Variants in SORCS2 observed in about 807,000 individuals in gnomAD.
SORCS2 encodes sortilin related VPS10 domain containing receptor 2, also known as VPS10 domain-containing receptor SorCS2.
In SORCS2, 100 loss-of-function variants were observed where a neutral mutation model predicts 141.6. That is an observed-to-expected ratio of 0.71 (90% CI 0.60 to 0.83). SORCS2 has a LOEUF of 0.83. SORCS2 is among the 40% of genes least tolerant of loss of function. The pLI is 0.00. For missense variants in SORCS2, 1,646 were observed against 1,560.2 expected (o/e 1.05, Z -0.93); for synonymous variants, 789 against 676.9 (o/e 1.17, Z -2.57).
intron 4 of SORCS2, 96 bp downstream of exon 4, chr4:7,638,588 A>G: frequency 7.5e-7 from 1 of 1,338,214 alleles, no homozygotes; most frequent in Non-Finnish European, 1.0e-6. Flanking sequence ...TGGGACCCGG[A>G]ACCCCTGGGC....
At chr4:7,326,519 G>A (rs566066930) in intron 1 of SORCS2, among the ~76,000 whole-genome samples, 2 of 152,150 alleles carry the variant, frequency 1.3e-5, no homozygotes, top group East Asian at 1.9e-4. Context: ...GAACCTTGCC[G>A]AGGTCTGTTT....
intron 25 of SORCS2, among the ~76,000 whole-genome samples, chr4:7,736,830 G>T (rs537071729): frequency 6.6e-6 from 1 of 152,188 alleles, no homozygotes; most frequent in Non-Finnish European, 1.5e-5. Context: ...CACCCAATGT[G>T]TCAGGGCAGA....
chr4:7,640,576 C>T (rs1206649883), intron 4 of SORCS2, among the ~76,000 whole-genome samples: 1 of 150,038 alleles, frequency 6.7e-6, no homozygotes, highest in East Asian at 2.0e-4. Context: ...TCTGTAAGGA[C>T]TCGGGCCTTC....
chr4:7,719,513 G>A (rs1199170320), intron 18 of SORCS2, among the ~76,000 whole-genome samples: 1 of 152,232 alleles, frequency 6.6e-6, no homozygotes, highest in Admixed American at 6.5e-5. Context: ...GACAGAGACT[G>A]AGTCTGGGGC....
In SORCS2 at chr4:7,434,315, G is replaced by C. The variant is rs373856385; in HGVS notation, c.548+37960G>C. 5 of 1,611,272 alleles carry C rather than the reference G, an allele frequency of 3.1e-6. No homozygotes were observed. The Admixed American group carries it at 8.4e-5, about 27-fold the overall frequency. On this transcript the variant is annotated intron_variant, in intron 2 of 26. Coordinates refer to ENST00000507866, the MANE Select transcript of SORCS2 (RefSeq NM_020777.3). ...GCCTCCTGGAGTCGGGAGACCTGCC[G>C]TACACAGTCTTGGCACAGAGCTCCT...
chr4:7,299,680 A>T (rs958031498), intron 1 of SORCS2, among the ~76,000 whole-genome samples: 1 of 152,150 alleles, frequency 6.6e-6, no homozygotes, highest in Non-Finnish European at 1.5e-5. Context: ...CTATTATCTG[A>T]AAACAAGGGA....
At chr4:7,556,744 A>C (rs1009976867) in intron 3 of SORCS2, among the ~76,000 whole-genome samples, 1 of 146,524 alleles carries the variant, frequency 6.8e-6, no homozygotes, top group Non-Finnish European at 1.5e-5. Flanking sequence ...CCATGTGTCC[A>C]CCCATCTACC....
chr4:7,557,094 G>A (rs1368217972), intron 3 of SORCS2, among the ~76,000 whole-genome samples: 1 of 152,154 alleles, frequency 6.6e-6, no homozygotes, highest in Non-Finnish European at 1.5e-5. Flanking sequence ...TCAGTGGGAA[G>A]ACAAGTGTGC....
At chr4:7,655,760 G>A (rs998968704) in intron 5 of SORCS2, among the ~76,000 whole-genome samples, 2 of 152,238 alleles carry the variant, frequency 1.3e-5, no homozygotes, top group Admixed American at 6.5e-5. Flanking sequence ...CGCTCGCAGA[G>A]GTGGGGAGCA....
intron 3 of SORCS2, among the ~76,000 whole-genome samples, chr4:7,578,141 A>T (rs4365724): frequency 6.6e-6 from 1 of 152,160 alleles, no homozygotes; most frequent in Non-Finnish European, 1.5e-5. Flanking sequence ...TCTCAGAACC[A>T]GATTGGTTAC....
chr4:7,709,073 G>C (rs778953510), intron 14 of SORCS2, among the ~76,000 whole-genome samples: 8 of 152,184 alleles, frequency 5.3e-5, no homozygotes, highest in Admixed American at 1.3e-4. Context: ...TGGCCTTTAC[G>C]GGGATGGGGA....
At chr4:7,283,277 C>G (rs768678181) in intron 1 of SORCS2, among the ~76,000 whole-genome samples, 13 of 152,180 alleles carry the variant, frequency 8.5e-5, no homozygotes, top group Non-Finnish European at 1.5e-4. Flanking sequence ...GGACAGTTTC[C>G]CTGCGGGAGA....
chr4:7,319,859 G>A (rs115119157), intron 1 of SORCS2, among the ~76,000 whole-genome samples: 1,578 of 152,334 alleles, frequency 0.01, 15 homozygotes, highest in Middle Eastern at 0.075. Context: ...CCTTGGCCGG[G>A]GCCTGTACTC....
Position 7,229,731 on chromosome 4 carries a change from C to T in SORCS2, c.480+36605C>T, listed in dbSNP as rs184887310. On this transcript the variant is annotated intron_variant, in intron 1 of 26. Transcript: ENST00000507866. ...GCATGGTGTTCCGTGGTCAAGTCTTCGAGTCTCTGGGCAGGAGCAGTGTCA... is the reference window on the plus strand; with the variant it reads ...GCATGGTGTTCCGTGGTCAAGTCTTTGAGTCTCTGGGCAGGAGCAGTGTCA... Among the ~76,000 whole-genome samples, 8 of 152,318 alleles carry T rather than the reference C, an allele frequency of 5.3e-5. 1 individual carries two copies. In the East Asian group the frequency reaches 9.6e-4, roughly 18 times the overall value.
rs184115164 is a variant in SORCS2 at position 7,573,574 on chromosome 4, A to C, written c.648+41945A>C. On this transcript the variant is annotated intron_variant, in intron 3 of 26. Transcript: ENST00000507866. ...GCTCTGTCGCCCAGGCTGAAGTGCA[A>C]TGGTGCAATCTCGGCTCACTGCAAC... 1.0e-3 allele frequency among the ~76,000 whole-genome samples: 159 copies of C among 152,236 alleles called. 1 individual carries two copies. Among genetic ancestry groups the C allele is most frequent in the African/African-American group, 3.1e-3 (127 of 41,538 alleles).
intron 12 of SORCS2, among the ~76,000 whole-genome samples, chr4:7,702,680 C>T (rs1725163343): frequency 6.6e-6 from 1 of 152,258 alleles, no homozygotes; most frequent in Non-Finnish European, 1.5e-5. Flanking sequence ...ATTCATTCCA[C>T]ACATACTCCC....
Position 7,579,535 on chromosome 4 carries a change from C to T in SORCS2, c.648+47906C>T, listed in dbSNP as rs1004075911. On this transcript the variant is annotated intron_variant, in intron 3 of 26. Transcript: ENST00000507866. ...GACTGGAACCCTCCCCTTGGTCCTC[C>T]GACCTCCTTTGGCTGCTCTCCTGGA... Among the ~76,000 whole-genome samples the T allele has an allele frequency of 1.4e-4, 22 of 152,268 alleles. No individual in the cohort carries two copies. The East Asian group carries it at 1.5e-3, about 11-fold the overall frequency.
intron 1 of SORCS2, among the ~76,000 whole-genome samples, chr4:7,219,190 G>A (rs1012959526): frequency 1.1e-4 from 16 of 151,796 alleles, no homozygotes; most frequent in African/African-American, 3.9e-4. Flanking sequence ...GTGTGTGTCT[G>A]TTCATGTCTA....
At chr4:7,681,029 A>G (rs1723493182) in intron 9 of SORCS2, among the ~76,000 whole-genome samples, 1 of 152,206 alleles carries the variant, frequency 6.6e-6, no homozygotes, top group Non-Finnish European at 1.5e-5. Flanking sequence ...GGAACTTTTG[A>G]TCTGGTGATA....
Sources: gnomAD v4.1 joint callset for allele counts (sites outside exome capture counted in the v4.1 genomes callset) on GRCh38, gnomAD v4.1.1 for gene constraint, MANE v1.5 for transcripts, NCBI Gene and HGNC (gene_info 2026-07-23, HGNC 2026-07-21) for gene names.